The following LILRB1 variants were observed in gnomAD, a reference collection of about 807,000 sequenced individuals.
The protein encoded by LILRB1 is leukocyte immunoglobulin like receptor B1, also known as leukocyte immunoglobulin-like receptor subfamily B member 1.
A neutral mutation model predicts 74.6 loss-of-function variants in LILRB1; 59 were observed. The observed-to-expected ratio is 0.79, with a 90% CI of 0.64 to 0.98. The LOEUF is 0.98. Ranked by LOEUF, LILRB1 falls within the 50% of genes least tolerant of loss-of-function variation. LILRB1 has a pLI of 0.00. For synonymous variants in LILRB1, 328 were observed against 333.9 expected, an observed-to-expected ratio of 0.98 and a Z score of 0.19; for missense variants, 804 against 822.6, an observed-to-expected ratio of 0.98 and a Z score of 0.28.
intron 9 of LILRB1, chr19:54,634,435 C>T (rs770576770): frequency 2.0e-5 from 31 of 1,516,568 alleles, no homozygotes; most frequent in Admixed American, 5.9e-5. Flanking sequence ...CCAGCTCTGC[C>T]GCTTCCTGGC....
intron 9 of LILRB1, 180 bp from the exon 10 acceptor site, chr19:54,634,461 G>A (rs1347083383): frequency 6.6e-7 from 1 of 1,514,388 alleles, no homozygotes; most frequent in African/African-American, 1.4e-5. Context: ...GCCCCGGGCA[G>A]GCGATTCCCC....
chr19:54,635,987 C>T, intron 13 of LILRB1: 1 of 562,586 alleles, frequency 1.8e-6, no homozygotes, highest in Non-Finnish European at 3.5e-6. Context: ...GCAGACACAG[C>T]AGGGAGGAAA....
chr19:54,628,680 A>G (rs756643965), upstream of LILRB1, among the ~76,000 whole-genome samples: 6 of 152,136 alleles, frequency 3.9e-5, no homozygotes, highest in Non-Finnish European at 5.9e-5. Context: ...AGGAGTCTCC[A>G]CATGCTCAAC....
intron 1 of LILRB1, 66 bp from the exon 2 acceptor site, chr19:54,630,960 C>T (rs1486404698): frequency 6.5e-7 from 1 of 1,541,450 alleles, no homozygotes; most frequent in Non-Finnish European, 8.7e-7. Context: ...CAGATGACAG[C>T]ACCCCATGAG....
At chr19:54,636,102 G>A (rs2064388553) in intron 13 of LILRB1, 1 of 561,768 alleles carries the variant, frequency 1.8e-6, no homozygotes, top group East Asian at 4.0e-5. Context: ...ACCAGAGAAA[G>A]GGCAGAGAGT....
Position 54,633,312 on chromosome 19 carries a change from G to A in LILRB1, c.1255G>A (p.Val419Ile), listed in dbSNP as rs773130427. 1 of 1,613,696 alleles carries A rather than the reference G, an allele frequency of 6.2e-7. No homozygotes were observed. The highest frequency in any genetic ancestry group is 1.1e-5 in the South Asian group (1 of 91,066). Residue 419 changes from valine (V) to isoleucine (I), a missense_variant, in exon 7 of 15, where the codon GTC (valine) becomes ATC (isoleucine). Coordinates refer to ENST00000324602, the MANE Select transcript of LILRB1 (RefSeq NM_001081637.3). ...THPSDPLELV[V>I]SGPSGGPSSP... ...CCCCAGTGACCCCCTGGAGCTCGTG[G>A]TCTCAGGTGGGGGCCTTGACCCTGT... is the stretch of plus-strand genomic sequence containing the variant.
chr19:54,627,814 G>A (rs1015106513), upstream of LILRB1, among the ~76,000 whole-genome samples: 1 of 152,172 alleles, frequency 6.6e-6, no homozygotes, highest in Non-Finnish European at 1.5e-5. Context: ...AAGACTTCTA[G>A]GACCAGATGT....
At chr19:54,620,493 T>C (rs1471350953) in intron 1 of LILRB1, among the ~76,000 whole-genome samples, 1 of 152,124 alleles carries the variant, frequency 6.6e-6, no homozygotes, top group Admixed American at 6.5e-5. Context: ...CTTCAGAATT[T>C]AAGAGCTTGT....
chr19:54,620,748 G>A (rs1341163588), intron 1 of LILRB1, among the ~76,000 whole-genome samples: 1 of 152,198 alleles, frequency 6.6e-6, no homozygotes, highest in African/African-American at 2.4e-5. Flanking sequence ...GGTGTATGAA[G>A]CATATGAACC....
chr19:54,630,962 C>G (rs751995694), intron 1 of LILRB1, 64 bp from the exon 2 acceptor site: 3 of 1,612,826 alleles, frequency 1.9e-6, no homozygotes, highest in Non-Finnish European at 2.5e-6. Context: ...GATGACAGCA[C>G]CCCATGAGAA....
chr19:54,635,964 C>G, intron 13 of LILRB1: 1 of 574,578 alleles, frequency 1.7e-6, no homozygotes, highest in Non-Finnish European at 3.4e-6. Context: ...GGATGGGGCT[C>G]CCCATGGGAG....
chr19:54,632,769 C>A lies in LILRB1; in HGVS notation c.958+9C>A, dbSNP rs757017232. 3.7e-5 allele frequency: 60 copies of A among 1,611,646 alleles called. No homozygotes were observed. Among genetic ancestry groups the A allele is most frequent in the Non-Finnish European group, 5.0e-5 (59 of 1,179,870 alleles). On this transcript the variant is annotated intron_variant, in intron 6 of 14. Transcript: ENST00000324602. ...GGACATCCTGATCGCAGGTGAGGAG[C>A]CCAGCGGGTTCAGTCAGGGACCCAG... is the stretch of plus-strand genomic sequence containing the variant.
intron 1 of LILRB1, among the ~76,000 whole-genome samples, chr19:54,617,630 A>C (rs1054467110): frequency 2.0e-5 from 3 of 148,568 alleles, no homozygotes; most frequent in Non-Finnish European, 4.5e-5. Context: ...GATTTGTATA[A>C]TTTTATGTTT....
At chr19:54,631,448 T>C in intron 3 of LILRB1, 52 bp from the exon 4 acceptor site, 2 of 1,598,542 alleles carry the variant, frequency 1.3e-6, no homozygotes, top group South Asian at 1.1e-5. Context: ...AGCTGGAATC[T>C]GCTGGGTTGG....
rs756104985 is a variant in LILRB1 at position 54,632,086 on chromosome 19, C to A, written c.510C>A (p.Ser170=). The part of the protein sequence containing the change: ...GEDEHPQCLN[S]QPHARGSSRA... ...ATGAACACCCACAATGCCTGAACTC[C>A]CAGCCCCATGCCCGTGGGTCGTCCC... The change falls in exon 5 of 15, where the codon TCC becomes TCA. Residue 170 remains serine, a synonymous_variant. Transcript: ENST00000324602. 12 of 1,614,260 alleles carry A rather than the reference C, an allele frequency of 7.4e-6. No homozygotes were observed. Among genetic ancestry groups the A allele is most frequent in the South Asian group, 3.3e-5 (3 of 91,090 alleles).
chr19:54,630,725 A>G (rs2063761885), intron 1 of LILRB1, 92 bp downstream of exon 1: 1 of 594,482 alleles, frequency 1.7e-6, no homozygotes, highest in African/African-American at 2.3e-5. Flanking sequence ...TGCCTCCGCT[A>G]CCCTCGTCAG....
At chr19:54,616,973 C>T (rs1419723135), upstream of LILRB1, among the ~76,000 whole-genome samples, 1 of 152,132 alleles carries the variant, frequency 6.6e-6, no homozygotes, top group Non-Finnish European at 1.5e-5. Flanking sequence ...CATATGGGAG[C>T]TGGTCACTCT....
At position 54,637,931 on chromosome 19, in the gene LILRB1, G is replaced by T. The variant is rs2064563692; in HGVS notation, c.*1053G>T. ...CATAATGAACATAAGAGTAATCAGA[G>T]AATCTGACTCATTTTAGATGTGTGT... On this transcript the variant is annotated 3_prime_UTR_variant, in exon 15 of 15. Coordinates refer to ENST00000324602, the MANE Select transcript of LILRB1 (RefSeq NM_001081637.3). Among the ~76,000 whole-genome samples the T allele has an allele frequency of 6.6e-6, 1 of 152,154 alleles. No individual in the cohort carries two copies.
rs1233930006 is a variant in LILRB1, at chr19:54,633,178, A to C, written c.1121A>C (p.Gln374Pro). The change falls in exon 7 of 15, where the codon CAA becomes CCA. Residue 374 changes from glutamine (Q) to proline (P), a missense_variant. Transcript: ENST00000324602. ...DDPWRLRSTYQSQKYQAEFPM... is the reference protein window; with the variant it reads ...DDPWRLRSTYPSQKYQAEFPM... ...CCATGGCGTCTAAGATCAACGTACC[A>C]ATCTCAAAAATACCAGGCTGAATTC... 6.2e-7 allele frequency: 1 copy of C among 1,614,194 alleles called. No individual in the cohort carries two copies. Among genetic ancestry groups the C allele is most frequent in the Non-Finnish European group, 8.5e-7 (1 of 1,180,008 alleles).
Sources: gnomAD v4.1 joint callset for allele counts (sites outside exome capture counted in the v4.1 genomes callset) on GRCh38, gnomAD v4.1.1 for gene constraint, MANE v1.5 for transcripts, NCBI Gene and HGNC (gene_info 2026-07-23, HGNC 2026-07-21) for gene names.